COP1: variants seen among roughly 807,000 people sequenced by gnomAD.
The protein encoded by COP1 is COP1 E3 ubiquitin ligase.
COP1 carries 24 observed loss-of-function variants against 101.3 expected under a neutral mutation model. The observed-to-expected ratio is 0.24, with a 90% CI of 0.17 to 0.33. COP1 has a LOEUF of 0.33. Ranked by LOEUF, COP1 falls within the 10% of genes least tolerant of loss-of-function variation. The pLI is 1.00. For synonymous variants in COP1, 347 were observed against 341.9 expected (o/e 1.01, Z -0.17); for missense variants, 663 against 906.2 (o/e 0.73, Z 3.45).
chr1:176,012,516 C>A, intron 15 of COP1, among the ~76,000 whole-genome samples: 1 of 152,252 alleles, frequency 6.6e-6, no homozygotes, highest in Admixed American at 6.5e-5. Flanking sequence ...TAATTTATTA[C>A]TAAACAAAGA....
chr1:175,958,157 GTTTATA>G (rs962810603), intron 18 of COP1, among the ~76,000 whole-genome samples: 5 of 151,954 alleles, frequency 3.3e-5, no homozygotes, highest in African/African-American at 1.2e-4. Flanking sequence ...AATGTATGTA[GTTTATA>G]TTTATGTAAA....
rs1679688751 is a variant in COP1, at chr1:176,084,149, C to A, written c.1141+1627G>T. On this transcript the variant is annotated intron_variant, in intron 10 of 19. Coordinates refer to ENST00000367669, the MANE Select transcript of COP1 (RefSeq NM_022457.7). ...TAGTTGTACTTCAGTATCATACCAA[C>A]AAATAATGTATGAAAGGGTTAACAT... 2.0e-5 allele frequency among the ~76,000 whole-genome samples: 3 copies of A among 152,144 alleles called. No individual in the cohort carries two copies. The South Asian group carries it at 6.2e-4, about 32-fold the overall frequency.
At chr1:176,044,535 T>C (rs887597114) in intron 12 of COP1, among the ~76,000 whole-genome samples, 21 of 152,220 alleles carry the variant, frequency 1.4e-4, no homozygotes, top group East Asian at 1.9e-4. Flanking sequence ...ACTAGTTGCA[T>C]TGATGCTAAA....
intron 3 of COP1, among the ~76,000 whole-genome samples, chr1:176,174,860 T>C (rs572731252): frequency 7.9e-5 from 12 of 152,322 alleles, no homozygotes; most frequent in Middle Eastern, 3.4e-3. Flanking sequence ...AAATTATTCT[T>C]TAGCTTATTA....
Position 176,165,396 on chromosome 1 carries a change from GT to G in COP1, c.566-1506del, listed in dbSNP as rs1439667232. 5.2e-5 allele frequency among the ~76,000 whole-genome samples: 7 copies of G among 134,036 alleles called. No homozygotes were observed. In the East Asian group the frequency reaches 1.2e-3, roughly 22 times the overall value. 87.9% of individuals were successfully genotyped at this position (134,036 alleles called of 152,430 possible). ...TGTGTGTGTGTGTGTGTGTGTGTGT[GT>G]GTGTGTGTGTAGGAGATACAACGAT... On this transcript the variant is annotated intron_variant, in intron 3 of 19. Coordinates refer to ENST00000367669, the MANE Select transcript of COP1 (RefSeq NM_022457.7).
rs1164931205 is a variant in COP1 at position 176,116,616 on chromosome 1, T to C, written c.1026+8A>G. 2 of 1,599,304 alleles carry C rather than the reference T, an allele frequency of 1.3e-6. No homozygotes were observed. Among genetic ancestry groups the C allele is most frequent in the Admixed American group, 1.7e-5 (1 of 59,644 alleles). On this transcript the variant is annotated splice_region_variant and intron_variant, in intron 9 of 19. Transcript: ENST00000367669. ...GGTATCATTAAAGCAAACAAAGATA[T>C]CGTTTACCTGAGAACTGCCACTGAA...
chr1:176,024,871 C>A (rs1332956876), intron 15 of COP1, among the ~76,000 whole-genome samples: 1 of 151,926 alleles, frequency 6.6e-6, no homozygotes, highest in Non-Finnish European at 1.5e-5. Context: ...ATAAATTTAA[C>A]AAAAGAAGTT....
intron 11 of COP1, among the ~76,000 whole-genome samples, chr1:176,057,729 G>A (rs1200604705): frequency 1.3e-5 from 2 of 152,196 alleles, no homozygotes; most frequent in Non-Finnish European, 2.9e-5. Context: ...CCAAAGTGCC[G>A]AGATTGCAGC....
chr1:176,185,469 T>C (rs1030822251), intron 1 of COP1, among the ~76,000 whole-genome samples: 3 of 152,176 alleles, frequency 2.0e-5, no homozygotes, highest in Non-Finnish European at 4.4e-5. Flanking sequence ...AACAGAATAC[T>C]CAAAATCCCA....
chr1:176,148,245 ATC>A (rs1368918121), intron 6 of COP1, among the ~76,000 whole-genome samples: 1 of 152,182 alleles, frequency 6.6e-6, no homozygotes, highest in African/African-American at 2.4e-5. Context: ...CCAGTAAAAC[ATC>A]TCTTATCTAT....
intron 9 of COP1, among the ~76,000 whole-genome samples, chr1:176,113,695 A>G (rs999277383): frequency 1.3e-5 from 2 of 152,184 alleles, no homozygotes; most frequent in African/African-American, 2.4e-5. Flanking sequence ...ATAAATATGA[A>G]TAAGTGAGAG....
chr1:176,178,149 A>T (rs952285683), intron 2 of COP1, among the ~76,000 whole-genome samples: 4 of 152,174 alleles, frequency 2.6e-5, no homozygotes, highest in African/African-American at 9.7e-5. Context: ...CTTTATTTTC[A>T]TTTTTATTAC....
At chr1:175,971,151 G>T (rs1653156580) in intron 18 of COP1, among the ~76,000 whole-genome samples, 1 of 152,202 alleles carries the variant, frequency 6.6e-6, no homozygotes, top group African/African-American at 2.4e-5. Flanking sequence ...AGACTTAAAT[G>T]ACTTAGAAAG....
intron 11 of COP1, among the ~76,000 whole-genome samples, chr1:176,047,884 G>A (rs1671777970): frequency 6.6e-6 from 1 of 152,020 alleles, no homozygotes; most frequent in East Asian, 1.9e-4. Context: ...AGACCAGCCT[G>A]GCAACATAGT....
intron 18 of COP1, among the ~76,000 whole-genome samples, chr1:175,951,838 T>C (rs1649961324): frequency 6.6e-6 from 1 of 151,592 alleles, no homozygotes; most frequent in Non-Finnish European, 1.5e-5. Flanking sequence ...AATAAATGTA[T>C]AATTGGAGTC....
chr1:176,129,848 C>T (rs1429611884), intron 8 of COP1, among the ~76,000 whole-genome samples: 1 of 151,726 alleles, frequency 6.6e-6, no homozygotes, highest in Non-Finnish European at 1.5e-5. Context: ...ACTGCAATGG[C>T]TTTGACGAGA....
At chr1:176,175,819 C>T (rs992623916) in intron 3 of COP1, 91 bp downstream of exon 3, 2 of 673,454 alleles carry the variant, frequency 3.0e-6, no homozygotes, top group Admixed American at 2.3e-5. Flanking sequence ...ACTTGCTTAC[C>T]ACTAAGGTAG....
chr1:176,164,035 T>C, intron 3 of COP1, 144 bp from the exon 4 acceptor site: 2 of 513,078 alleles, frequency 3.9e-6, no homozygotes, highest in South Asian at 7.0e-5. Flanking sequence ...TGTTAGCTTT[T>C]TATTTTATTT....
rs191034085 is a variant in COP1, at chr1:176,197,608, T to A, written c.407+8964A>T. 2.6e-3 allele frequency among the ~76,000 whole-genome samples: 397 copies of A among 152,174 alleles called. 3 individuals are homozygous for A. The highest frequency in any genetic ancestry group is 9.1e-3 in the African/African-American group (379 of 41,518). On this transcript the variant is annotated intron_variant, in intron 1 of 19. Transcript: ENST00000367669. ...AAAACCAGAAAAAAATTAAAAGAAA[T>A]TCACAGACCAGTATCACTCACTAAT...
Sources: allele counts gnomAD v4.1 joint callset (sites outside exome capture counted in the v4.1 genomes callset), GRCh38; gene constraint gnomAD v4.1.1; transcripts MANE v1.5; gene names NCBI Gene and HGNC (gene_info 2026-07-23, HGNC 2026-07-21).